The following CTNNA3 variants were observed in gnomAD, a reference collection of about 807,000 sequenced individuals.
The protein encoded by CTNNA3 is catenin alpha 3.
In CTNNA3, 76 loss-of-function variants were observed where a neutral mutation model predicts 95.7. The ratio of observed to expected loss-of-function variants is 0.79; its 90% CI spans 0.66 to 0.96. CTNNA3 has a LOEUF of 0.96. Among genes scored for constraint, CTNNA3 ranks in the 40% least tolerant of loss-of-function variants. The pLI, the probability that CTNNA3 is intolerant of heterozygous loss-of-function variation, is 0.00. For synonymous variants in CTNNA3, 431 were observed against 374.4 expected (o/e 1.15, Z -1.74); for missense variants, 1,191 against 1,089.8 (o/e 1.09, Z -1.31).
At chr10:67,583,374 T>C (rs1165408403) in intron 3 of CTNNA3, among the ~76,000 whole-genome samples, 14 of 152,248 alleles carry the variant, frequency 9.2e-5, no homozygotes. Flanking sequence ...TTTAAGAATG[T>C]TGAATATTGG....
At chr10:67,065,127 G>T (rs1032325565) in intron 7 of CTNNA3, among the ~76,000 whole-genome samples, 3 of 151,996 alleles carry the variant, frequency 2.0e-5, no homozygotes, top group African/African-American at 7.2e-5. Flanking sequence ...GAAATTCAAG[G>T]CACCATGGTT....
intron 7 of CTNNA3, among the ~76,000 whole-genome samples, chr10:67,045,516 G>A (rs572381157): frequency 3.3e-5 from 5 of 152,228 alleles, no homozygotes; most frequent in African/African-American, 7.2e-5. Flanking sequence ...GTTCTGCTAC[G>A]TAGGAAACCC....
chr10:67,762,592 G>A (rs550512932), intron 1 of CTNNA3, among the ~76,000 whole-genome samples: 30 of 152,232 alleles, frequency 2.0e-4, no homozygotes, highest in Admixed American at 6.5e-4. Context: ...AATACAACGA[G>A]TAAAATTAGG....
At chr10:66,433,225 T>C (rs1023392684) in intron 11 of CTNNA3, among the ~76,000 whole-genome samples, 1 of 152,112 alleles carries the variant, frequency 6.6e-6, no homozygotes, top group Non-Finnish European at 1.5e-5. Flanking sequence ...AATTGCCACA[T>C]TGTCTTCCAC....
chr10:66,065,659 A>G (rs1161602000), intron 15 of CTNNA3, among the ~76,000 whole-genome samples: 1 of 151,998 alleles, frequency 6.6e-6, no homozygotes, highest in African/African-American at 2.4e-5. Flanking sequence ...TAACACTTGA[A>G]TGCTCTTTCT....
intron 9 of CTNNA3, among the ~76,000 whole-genome samples, chr10:66,675,901 C>T (rs1007150570): frequency 1.3e-4 from 20 of 152,024 alleles, no homozygotes; most frequent in African/African-American, 4.8e-4. Flanking sequence ...CTATGCCACC[C>T]AGAAATTTGA....
Position 66,275,679 on chromosome 10 carries a change from T to C in CTNNA3, c.1884+4791A>G, listed in dbSNP as rs144454325. ...CAAACTTAATTCCAGAGAATTGTAATTGGATAAGATAACATTCTACATTGG... is the reference window on the plus strand; with the variant it reads ...CAAACTTAATTCCAGAGAATTGTAACTGGATAAGATAACATTCTACATTGG... On this transcript the variant is annotated intron_variant, in intron 13 of 17. Transcript: ENST00000433211. 4.0e-3 allele frequency among the ~76,000 whole-genome samples: 609 copies of C among 152,310 alleles called. 16 individuals carry two copies. The highest frequency in any genetic ancestry group is 3.1e-3 in the East Asian group (16 of 5,176).
At chr10:66,377,175 G>A (rs933324167) in intron 12 of CTNNA3, among the ~76,000 whole-genome samples, 3 of 152,026 alleles carry the variant, frequency 2.0e-5, no homozygotes, top group Non-Finnish European at 2.9e-5. Context: ...ATTTTTCTGA[G>A]TAACTAAAAT....
At chr10:66,864,268 T>A (rs748451170) in intron 7 of CTNNA3, among the ~76,000 whole-genome samples, 1 of 152,142 alleles carries the variant, frequency 6.6e-6, no homozygotes, top group Admixed American at 6.6e-5. Context: ...AATGTTGTTA[T>A]CACAGGAGTT....
rs939601710 is a variant in CTNNA3 at position 67,580,499 on chromosome 10, C to T, written c.292+26358G>A. Among the ~76,000 whole-genome samples the T allele has an allele frequency of 2.0e-5, 3 of 151,860 alleles. No homozygotes were observed. In the East Asian group the frequency reaches 5.8e-4, roughly 29 times the overall value. On this transcript the variant is annotated intron_variant, in intron 3 of 17. Transcript: ENST00000433211. ...TTTGAAGTCAGGTAGCATGATGCCT[C>T]CAGCTTTGTTCTTTTGGCTTAGGAT...
At chr10:67,402,395 G>C (rs916894783) in intron 5 of CTNNA3, among the ~76,000 whole-genome samples, 3 of 152,190 alleles carry the variant, frequency 2.0e-5, no homozygotes, top group Non-Finnish European at 2.9e-5. Flanking sequence ...CAAAAATACA[G>C]AAAAGAGAAT....
At chr10:66,734,151 TA>T (rs11299669) in intron 9 of CTNNA3, among the ~76,000 whole-genome samples, 79,212 of 151,144 alleles carry the variant, frequency 0.52, 21,176 homozygotes, top group African/African-American at 0.63. Context: ...CATCATTCCT[TA>T]AAAAAAAATA....
chr10:66,137,902 A>G (rs2083434530), intron 13 of CTNNA3, among the ~76,000 whole-genome samples: 2 of 152,250 alleles, frequency 1.3e-5, no homozygotes, highest in East Asian at 3.9e-4. Flanking sequence ...GTGAGCCAAG[A>G]TTATGTCATT....
intron 12 of CTNNA3, among the ~76,000 whole-genome samples, chr10:66,340,654 A>G (rs2092444546): frequency 6.6e-6 from 1 of 151,780 alleles, no homozygotes. Context: ...CAATACATGA[A>G]ATATTATTAA....
chr10:66,161,256 GC>G (rs2084828144), intron 13 of CTNNA3, among the ~76,000 whole-genome samples: 1 of 151,974 alleles, frequency 6.6e-6, no homozygotes. Context: ...TTTTGGTTTT[GC>G]TTTTGTTATT....
intron 5 of CTNNA3, among the ~76,000 whole-genome samples, chr10:67,317,155 GGTTTT>G (rs554234421): frequency 1.2e-3 from 141 of 114,368 alleles, no homozygotes; most frequent in African/African-American, 3.6e-3. Context: ...CATATCATCG[GGTTTT>G]GTTTTGTTTT....
chr10:67,606,623 G>A (rs1030647602), intron 3 of CTNNA3, among the ~76,000 whole-genome samples: 7 of 152,078 alleles, frequency 4.6e-5, no homozygotes, highest in African/African-American at 1.4e-4. Flanking sequence ...GGCAAGGCAG[G>A]GGAGGAAGAG....
intron 13 of CTNNA3, among the ~76,000 whole-genome samples, chr10:66,157,625 A>G (rs1286369107): frequency 2.0e-5 from 3 of 152,018 alleles, no homozygotes; most frequent in Non-Finnish European, 4.4e-5. Flanking sequence ...TGTTGCTATA[A>G]ACATGCATGT....
chr10:67,623,802 T>C (rs1358984871), intron 2 of CTNNA3, among the ~76,000 whole-genome samples: 2 of 152,036 alleles, frequency 1.3e-5, no homozygotes, highest in African/African-American at 4.8e-5. Flanking sequence ...CAAAATATGG[T>C]ACCCTGGTAT....
Sources: gnomAD v4.1 joint callset for allele counts (sites outside exome capture counted in the v4.1 genomes callset) on GRCh38, gnomAD v4.1.1 for gene constraint, MANE v1.5 for transcripts, NCBI Gene and HGNC (gene_info 2026-07-23, HGNC 2026-07-21) for gene names.